Variants in LZTS2 observed in about 807,000 individuals in gnomAD.
LZTS2 encodes the protein leucine zipper tumor suppressor 2.
LZTS2 carries 32 observed loss-of-function variants against 60.6 expected under a neutral mutation model. The ratio of observed to expected loss-of-function variants is 0.53; its 90% CI spans 0.40 to 0.71. The LOEUF (loss-of-function observed/expected upper bound fraction) is 0.71. LZTS2 is among the 30% of genes least tolerant of loss of function. The pLI, the probability that LZTS2 is intolerant of heterozygous loss-of-function variation, is 0.00. For missense variants in LZTS2, 792 were observed against 901.9 expected (o/e 0.88, Z 1.56); for synonymous variants, 360 against 393.1 (o/e 0.92, Z 1.00).
upstream of LZTS2, chr10:100,998,950 GGT>G (rs1054432223): frequency 6.6e-6 from 1 of 152,446 alleles, no homozygotes; most frequent in Non-Finnish European, 1.5e-5. Flanking sequence ...AGGTCTTGTG[GGT>G]GTTAGGGAGA....
chr10:101,004,260 G>A (rs1852120989), intron 2 of LZTS2, 94 bp downstream of exon 3: 1 of 1,398,226 alleles, frequency 7.2e-7, no homozygotes, highest in Non-Finnish European at 9.6e-7. Context: ...GGGAACGGGG[G>A]TTGGGTAGTT....
exon 4 of LZTS2, chr10:101,007,573 G>T (rs1461101353): frequency 7.7e-7 from 1 of 1,300,772 alleles, no homozygotes; most frequent in South Asian, 1.2e-5. Flanking sequence ...TGCTCCGGAT[G>T]TGCCTGCCCA....
upstream of LZTS2, among the ~76,000 whole-genome samples, chr10:100,998,142 A>G (rs1469984908): frequency 1.3e-5 from 2 of 151,678 alleles, no homozygotes; most frequent in Non-Finnish European, 2.9e-5. Context: ...CTCCCTCAAT[A>G]CCAGAGTGGG....
rs548201657 is a variant in LZTS2 at position 101,007,173 on chromosome 10, C to T, written c.*5C>T. The T allele has an allele frequency of 2.3e-5, 36 of 1,558,562 alleles. No individual in the cohort carries two copies. The African/African-American group carries it at 3.9e-4, about 17-fold the overall frequency. On this transcript the variant is annotated 3_prime_UTR_variant, in exon 4 of 4. Coordinates refer to ENST00000370220, the Ensembl canonical transcript of LZTS2. ...ATCACTGCTACTGAGATCTAGGGCC[C>T]TCAGCAACCAGCTCTGTAGGGAGCT... is the stretch of plus-strand genomic sequence containing the variant.
Position 101,002,729 on chromosome 10 carries a change from G to A in LZTS2, c.191G>A (p.Arg64Gln), listed in dbSNP as rs772289024. 32 of 1,612,710 alleles carry A rather than the reference G, an allele frequency of 2.0e-5. No homozygotes were observed. Among genetic ancestry groups the A allele is most frequent in the African/African-American group, 2.7e-5 (2 of 75,036 alleles). Residue 64 changes from arginine (R) to glutamine (Q), a missense_variant, in exon 1 of 4, where the codon CGG becomes CAG. By Grantham distance (43) the Arg-to-Gln change is conservative. Coordinates refer to ENST00000370220, the Ensembl canonical transcript of LZTS2. ...TTCCGCCAGCAGGATGGCCTGCTAC[G>A]GGGTGGCTATGAGGCACAGGAGCCG... is the stretch of plus-strand genomic sequence containing the variant.
chr10:101,006,576 C>G, exon 4 of LZTS2: 2 of 1,610,760 alleles, frequency 1.2e-6, no homozygotes, highest in Non-Finnish European at 1.7e-6. Context: ...GAGCTGGTGG[C>G]TCTGCGGGTG....
exon 2 of LZTS2, chr10:101,003,685 C>T (rs1183270202): frequency 1.2e-6 from 2 of 1,612,834 alleles, no homozygotes; most frequent in Non-Finnish European, 1.7e-6. Flanking sequence ...TCCTCCTCCT[C>T]TTCAGCTGCT....
chr10:101,005,827 C>T (rs1000486704), intron 3 of LZTS2, 112 bp downstream of exon 4: 4 of 1,349,174 alleles, frequency 3.0e-6, no homozygotes, highest in South Asian at 1.6e-5. Context: ...CCTCCCCTTT[C>T]TCACCTCCGT....
exon 2 of LZTS2, chr10:101,003,726 A>G (rs1204804036): frequency 6.2e-7 from 1 of 1,612,738 alleles, no homozygotes; most frequent in African/African-American, 1.3e-5. Context: ...TGGCTGGGCC[A>G]GTGGCTGCCC....
upstream of LZTS2, among the ~76,000 whole-genome samples, chr10:100,997,742 G>A (rs536043586): frequency 2.0e-4 from 31 of 152,332 alleles, no homozygotes; most frequent in African/African-American, 7.5e-4. Flanking sequence ...CCCAACCACG[G>A]GGCGGAAATC....
chr10:101,002,682 C>T lies in LZTS2; in HGVS notation c.144C>T (p.His48=), dbSNP rs142122181. 348 of 1,609,760 alleles carry T rather than the reference C, an allele frequency of 2.2e-4. No individual in the cohort carries two copies. In the African/African-American group the frequency reaches 3.8e-3, roughly 18 times the overall value. ...GGGGGCCAGCTCCTCCCCGCCACCA[C>T]GGCCCTCCTGGGCCCACCTTCTTCC... Residue 48 remains histidine (H), a synonymous_variant, in exon 1 of 4, where the codon CAC becomes CAT. Transcript: ENST00000370220.
upstream of LZTS2, among the ~76,000 whole-genome samples, chr10:100,997,394 A>G (rs2133954532): frequency 6.6e-6 from 1 of 152,282 alleles, no homozygotes; most frequent in East Asian, 1.9e-4. Flanking sequence ...AAGTGACACG[A>G]AAACGCACGC....
At chr10:101,003,119 C>T (rs1286943314) in intron 1 of LZTS2, 173 bp downstream of exon 2, 2 of 816,298 alleles carry the variant, frequency 2.5e-6, no homozygotes, top group Non-Finnish European at 3.7e-6. Flanking sequence ...AGTCACTTAA[C>T]CTGAGCCTCA....
exon 1 of LZTS2, chr10:101,001,453 A>T (rs1395856404): frequency 1.3e-5 from 2 of 152,240 alleles, no homozygotes; most frequent in African/African-American, 4.8e-5. Context: ...TCACACAACA[A>T]ATAACTAAAT....
chr10:101,002,172 A>C (rs1852053499), exon 1 of LZTS2: 1 of 189,454 alleles, frequency 5.3e-6, no homozygotes, highest in East Asian at 1.3e-4. Context: ...CCCCTCCCTC[A>C]CCTGAGTCCT....
chr10:101,005,600 T>G, exon 3 of LZTS2: 1 of 1,611,452 alleles, frequency 6.2e-7, no homozygotes, highest in Non-Finnish European at 8.5e-7. Context: ...AAGCGGCAAT[T>G]GCAGGACGAC....
chr10:101,007,364 C>A, exon 4 of LZTS2: 1 of 1,417,756 alleles, frequency 7.1e-7, no homozygotes, highest in Non-Finnish European at 9.2e-7. Context: ...TCAGACCGCT[C>A]AAAGGTCCCC....
At chr10:101,006,719 G>C in exon 4 of LZTS2, 1 of 1,602,416 alleles carries the variant, frequency 6.2e-7, no homozygotes, top group Non-Finnish European at 8.5e-7. Context: ...CCAGGAAGCT[G>C]AGCAGCTGCG....
chr10:101,005,520 G>C, exon 3 of LZTS2: 1 of 1,604,226 alleles, frequency 6.2e-7, no homozygotes, highest in Non-Finnish European at 8.5e-7. Flanking sequence ...AGGACTGTGC[G>C]GCCCAGGCAC....
Sources: gnomAD v4.1 joint callset for allele counts (sites outside exome capture counted in the v4.1 genomes callset) on GRCh38, gnomAD v4.1.1 for gene constraint, MANE v1.5 for transcripts, NCBI Gene and HGNC (gene_info 2026-07-23, HGNC 2026-07-21) for gene names.